OR9Q1: variants seen among roughly 807,000 people sequenced by gnomAD.
OR9Q1 encodes the protein olfactory receptor family 9 subfamily Q member 1, also known as olfactory receptor 9Q1.
For synonymous variants in OR9Q1, 153 were observed against 148.6 expected (o/e 1.03, Z -0.22); for missense variants, 374 against 378.8 (o/e 0.99, Z 0.11).
chr11:58,154,003 TAAGAG>T (rs1350458033), intron 2 of OR9Q1, among the ~76,000 whole-genome samples: 6 of 151,898 alleles, frequency 4.0e-5, no homozygotes, highest in South Asian at 2.1e-4. Context: ...AAGCAAGTCT[TAAGAG>T]GAGAGAAAAG....
intron 2 of OR9Q1, among the ~76,000 whole-genome samples, chr11:58,092,247 T>G (rs1401674010): frequency 6.6e-6 from 1 of 151,932 alleles, no homozygotes; most frequent in African/African-American, 2.4e-5. Flanking sequence ...TGTCGTATAT[T>G]TTTGTGTGTT....
chr11:58,048,458 G>A (rs991472343), intron 1 of OR9Q1, among the ~76,000 whole-genome samples: 8 of 148,668 alleles, frequency 5.4e-5, no homozygotes, highest in Non-Finnish European at 1.2e-4. Context: ...TGAGACCAGC[G>A]TGGCCAACAT....
At chr11:58,031,547 A>G (rs1313091412) in intron 1 of OR9Q1, 2 of 1,614,006 alleles carry the variant, frequency 1.2e-6, no homozygotes, top group African/African-American at 2.7e-5. Flanking sequence ...TGTCACTTGG[A>G]AGGAGACTGT....
chr11:58,146,800 G>C (rs151167889), intron 2 of OR9Q1, among the ~76,000 whole-genome samples: 1 of 152,318 alleles, frequency 6.6e-6, no homozygotes, highest in East Asian at 1.9e-4. Flanking sequence ...CAAATGCAAA[G>C]GTCTGTGAAA....
intron 2 of OR9Q1, among the ~76,000 whole-genome samples, chr11:58,119,997 T>G (rs191009551): frequency 1.3e-5 from 2 of 152,302 alleles, no homozygotes; most frequent in African/African-American, 2.4e-5. Context: ...CTGCCCACCA[T>G]TCCCTTATAG....
chr11:58,149,118 A>G (rs1854326631), intron 2 of OR9Q1, among the ~76,000 whole-genome samples: 1 of 152,212 alleles, frequency 6.6e-6, no homozygotes, highest in Non-Finnish European at 1.5e-5. Context: ...TTGATCTTGT[A>G]ATAGAATGAA....
At chr11:58,080,226 C>A (rs1853575672) in intron 2 of OR9Q1, among the ~76,000 whole-genome samples, 1 of 152,130 alleles carries the variant, frequency 6.6e-6, no homozygotes, top group Non-Finnish European at 1.5e-5. Context: ...CCCATTTATG[C>A]ATGAGAATAT....
chr11:58,151,109 G>A (rs1211048088), intron 2 of OR9Q1, among the ~76,000 whole-genome samples: 2 of 152,162 alleles, frequency 1.3e-5, no homozygotes, highest in African/African-American at 4.8e-5. Flanking sequence ...TGCAAGTTAA[G>A]GACCCAACTT....
chr11:58,070,412 A>C (rs747213582), intron 2 of OR9Q1, among the ~76,000 whole-genome samples: 1 of 152,060 alleles, frequency 6.6e-6, no homozygotes, highest in Non-Finnish European at 1.5e-5. Flanking sequence ...CCTGGCGTGT[A>C]CACCGTGTCA....
At chr11:58,095,048 T>C (rs181167258) in intron 2 of OR9Q1, among the ~76,000 whole-genome samples, 21 of 152,362 alleles carry the variant, frequency 1.4e-4, no homozygotes, top group Non-Finnish European at 2.2e-4. Context: ...ATTGAGAGTA[T>C]TTATTGCAAA....
chr11:58,108,970 G>A (rs7112431), intron 2 of OR9Q1: 1 of 399,648 alleles, frequency 2.5e-6, no homozygotes, highest in Non-Finnish European at 5.1e-6. Context: ...TTACCCACCT[G>A]CCGACTTCAC....
chr11:58,064,238 A>G (rs1590566614), intron 2 of OR9Q1, among the ~76,000 whole-genome samples: 2 of 152,226 alleles, frequency 1.3e-5, no homozygotes, highest in East Asian at 3.8e-4. Context: ...AATCAGAGAA[A>G]GATAGCCGCA....
chr11:58,140,031 G>T (rs1383871443), intron 2 of OR9Q1, among the ~76,000 whole-genome samples: 1 of 152,090 alleles, frequency 6.6e-6, no homozygotes, highest in Non-Finnish European at 1.5e-5. Context: ...TTTCTCTGAT[G>T]GCCAATGATG....
intron 2 of OR9Q1, among the ~76,000 whole-genome samples, chr11:58,161,478 G>T (rs1248012985): frequency 6.6e-6 from 1 of 151,866 alleles, no homozygotes; most frequent in Non-Finnish European, 1.5e-5. Context: ...CTGTAATCGT[G>T]GCTTGGCTTC....
chr11:58,106,205 T>C (rs147037374), intron 2 of OR9Q1, among the ~76,000 whole-genome samples: 12 of 151,670 alleles, frequency 7.9e-5, no homozygotes, highest in African/African-American at 2.9e-4. Flanking sequence ...TGTGAAGTGG[T>C]ATCTCATTGT....
chr11:58,109,343 A>G (rs1176739032), intron 2 of OR9Q1: 3 of 460,174 alleles, frequency 6.5e-6, no homozygotes, highest in Non-Finnish European at 8.8e-6. Flanking sequence ...GTGCCTGCAC[A>G]TATGGTGAAG....
intron 2 of OR9Q1, among the ~76,000 whole-genome samples, chr11:58,136,710 T>C (rs1161847621): frequency 6.6e-6 from 1 of 152,170 alleles, no homozygotes; most frequent in Non-Finnish European, 1.5e-5. Flanking sequence ...GCAACCTTAG[T>C]CTTTAAAATA....
chr11:58,140,048 AT>A (rs1449272280), intron 2 of OR9Q1, among the ~76,000 whole-genome samples: 1 of 151,970 alleles, frequency 6.6e-6, no homozygotes, highest in African/African-American at 2.4e-5. Context: ...GATGATGAGC[AT>A]TTTTTCATGT....
intron 2 of OR9Q1, among the ~76,000 whole-genome samples, chr11:58,090,504 C>T (rs895260631): frequency 1.3e-5 from 2 of 152,160 alleles, no homozygotes; most frequent in African/African-American, 4.8e-5. Flanking sequence ...TCGACTTGAT[C>T]GTGGTGGATA....
Sources: gnomAD v4.1 joint callset for allele counts (sites outside exome capture counted in the v4.1 genomes callset) on GRCh38, gnomAD v4.1.1 for gene constraint, MANE v1.5 for transcripts, NCBI Gene and HGNC (gene_info 2026-07-23, HGNC 2026-07-21) for gene names.